UNC13C: variants seen among roughly 807,000 people sequenced by gnomAD.
UNC13C encodes unc-13 homolog C.
UNC13C carries 174 observed loss-of-function variants against 245.4 expected under a neutral mutation model. The observed-to-expected ratio is 0.71, with a 90% CI of 0.63 to 0.80. UNC13C has a LOEUF of 0.80. Among genes scored for constraint, UNC13C ranks in the 30% least tolerant of loss-of-function variants. UNC13C has a pLI of 0.00. For synonymous variants in UNC13C, 992 were observed against 895.1 expected, an observed-to-expected ratio of 1.11 and a Z score of -1.93; for missense variants, 2,829 against 2,602.9, an observed-to-expected ratio of 1.09 and a Z score of -1.89.
At chr15:54,555,567 G>A in intron 29 of UNC13C, 55 bp downstream of exon 29, 1 of 1,378,538 alleles carries the variant, frequency 7.3e-7, no homozygotes, top group South Asian at 1.2e-5. Context: ...TTTACCTCCA[G>A]AGATAGGTAG....
intron 2 of UNC13C, among the ~76,000 whole-genome samples, chr15:54,077,978 C>A (rs1898727682): frequency 6.6e-6 from 1 of 152,180 alleles, no homozygotes; most frequent in African/African-American, 2.4e-5. Flanking sequence ...TCCCTCCCAG[C>A]CTCCCCTACA....
chr15:54,226,535 A>G (rs559398386), intron 4 of UNC13C, among the ~76,000 whole-genome samples: 14 of 152,058 alleles, frequency 9.2e-5, no homozygotes, highest in Admixed American at 2.6e-4. Flanking sequence ...ATTGCTTATG[A>G]CCACTTACCT....
chr15:54,525,735 A>G (rs1895421854), intron 25 of UNC13C, 98 bp downstream of exon 25: 1 of 986,952 alleles, frequency 1.0e-6, no homozygotes, highest in Admixed American at 2.2e-5. Flanking sequence ...GACTAAATCT[A>G]CTTAACTTCA....
intron 13 of UNC13C, among the ~76,000 whole-genome samples, chr15:54,307,204 A>G (rs1425739694): frequency 6.6e-6 from 1 of 152,018 alleles, no homozygotes; most frequent in East Asian, 1.9e-4. Flanking sequence ...TATTTCTCAC[A>G]GTCCTGGATG....
the UNC13C span, among the ~76,000 whole-genome samples, chr15:53,906,598 A>G: frequency 6.6e-6 from 1 of 152,250 alleles, no homozygotes; most frequent in African/African-American, 2.4e-5. Context: ...GGGATCAGCC[A>G]GGACAATTGA....
chr15:54,266,473 A>G lies in UNC13C; in HGVS notation c.3818+977A>G, dbSNP rs150721213. ...TTTCCTGTTGGAGTCACGTAAATGA[A>G]TATAGCAGGAAAGGAACAACAAAGG... On this transcript the variant is annotated intron_variant, in intron 10 of 32. Transcript: ENST00000260323. Among the ~76,000 whole-genome samples, 173 of 152,088 alleles carry G rather than the reference A, an allele frequency of 1.1e-3. 1 individual carries two copies. The highest frequency in any genetic ancestry group is 4.0e-3 in the African/African-American group (168 of 41,546).
At chr15:54,204,551 G>T (rs970074006) in intron 4 of UNC13C, among the ~76,000 whole-genome samples, 30 of 151,934 alleles carry the variant, frequency 2.0e-4, no homozygotes, top group African/African-American at 7.0e-4. Flanking sequence ...CTCTCAATTT[G>T]TCTACACGTT....
chr15:54,307,121 T>A (rs1462801954), intron 13 of UNC13C, among the ~76,000 whole-genome samples: 1 of 152,026 alleles, frequency 6.6e-6, no homozygotes, highest in Non-Finnish European at 1.5e-5. Context: ...TGAGGACTTA[T>A]ATAGAATGTC....
chr15:54,132,134 T>C (rs563374145), intron 2 of UNC13C, among the ~76,000 whole-genome samples: 1 of 143,500 alleles, frequency 7.0e-6, no homozygotes, highest in East Asian at 2.1e-4. Context: ...TGGCACAATC[T>C]AGGCTCACTG....
At chr15:54,501,397 C>T (rs1215640806) in intron 22 of UNC13C, among the ~76,000 whole-genome samples, 1 of 152,046 alleles carries the variant, frequency 6.6e-6, no homozygotes, top group African/African-American at 2.4e-5. Flanking sequence ...TACAAATCAA[C>T]CAATAATTGT....
chr15:54,372,521 C>A (rs183542864), intron 17 of UNC13C, among the ~76,000 whole-genome samples: 19 of 152,276 alleles, frequency 1.2e-4, no homozygotes, highest in African/African-American at 4.6e-4. Context: ...AAGCTTCTGT[C>A]AATGATTCCT....
At chr15:53,926,462 C>A in the UNC13C span, among the ~76,000 whole-genome samples, 1 of 152,068 alleles carries the variant, frequency 6.6e-6, no homozygotes, top group South Asian at 2.1e-4. Context: ...ATCATGATAT[C>A]ACTGCTAATA....
rs1901297301 is a variant in UNC13C, at chr15:54,628,040, AC to A, written c.*928del. 1 of 152,104 alleles carries A rather than the reference AC, an allele frequency of 6.6e-6. No individual in the cohort carries two copies. The highest frequency in any genetic ancestry group is 1.5e-5 in the Non-Finnish European group (1 of 68,010). The allele number at this position is 152,104 out of a possible 1,614,324, so 9.4% of individuals were successfully genotyped here. On this transcript the variant is annotated 3_prime_UTR_variant, in exon 33 of 33. Transcript: ENST00000260323. ...TGAATGCAGCATTACTATATATTGT[AC>A]TGATGCCAAAAGTCATGTTTTCATC...
chr15:54,296,351 C>T (rs1446134717), intron 11 of UNC13C, among the ~76,000 whole-genome samples: 1 of 151,066 alleles, frequency 6.6e-6, no homozygotes, highest in Non-Finnish European at 1.5e-5. Context: ...CAGGCGCCTG[C>T]AACCACGGCC....
At chr15:54,619,387 T>C (rs1159029862) in intron 30 of UNC13C, among the ~76,000 whole-genome samples, 1 of 152,218 alleles carries the variant, frequency 6.6e-6, no homozygotes, top group Non-Finnish European at 1.5e-5. Context: ...TCCCTTATCC[T>C]TTCTTTGCTG....
chr15:54,123,814 C>G (rs150081527), intron 2 of UNC13C, among the ~76,000 whole-genome samples: 1 of 152,158 alleles, frequency 6.6e-6, no homozygotes, highest in Non-Finnish European at 1.5e-5. Flanking sequence ...CCACAAAGCT[C>G]TCTCCCTGGT....
chr15:54,546,953 T>G, intron 27 of UNC13C, 108 bp downstream of exon 27: 1 of 1,029,772 alleles, frequency 9.7e-7, no homozygotes, highest in Non-Finnish European at 1.4e-6. Flanking sequence ...GGGGAAAAAG[T>G]GTTTGGTATC....
intron 16 of UNC13C, among the ~76,000 whole-genome samples, chr15:54,335,992 T>C (rs2141001133): frequency 6.6e-6 from 1 of 151,924 alleles, no homozygotes; most frequent in Admixed American, 6.6e-5. Context: ...GAAGTGACGT[T>C]GCATTATCTT....
At chr15:54,214,079 C>T (rs1596017465) in intron 4 of UNC13C, among the ~76,000 whole-genome samples, 1 of 151,960 alleles carries the variant, frequency 6.6e-6, no homozygotes, top group South Asian at 2.1e-4. Flanking sequence ...AATACCCATT[C>T]CCTAATTGGC....
Sources: allele counts gnomAD v4.1 joint callset (sites outside exome capture counted in the v4.1 genomes callset), GRCh38; gene constraint gnomAD v4.1.1; transcripts MANE v1.5; gene names NCBI Gene and HGNC (gene_info 2026-07-23, HGNC 2026-07-21).